The following DENND4A variants were observed in gnomAD, a reference collection of about 807,000 sequenced individuals.
DENND4A encodes C-myc promoter-binding protein.
In DENND4A, 70 loss-of-function variants were observed where a neutral mutation model predicts 199.3. The ratio of observed to expected loss-of-function variants is 0.35; its 90% CI spans 0.29 to 0.43. The LOEUF (loss-of-function observed/expected upper bound fraction) is 0.43, where lower values mean the gene tolerates loss of function less well. Among genes scored for constraint, DENND4A ranks in the 20% least tolerant of loss-of-function variants. The pLI is 1.00. For missense variants in DENND4A, 1,723 were observed against 2,255.8 expected (o/e 0.76, Z 4.78); for synonymous variants, 686 against 766.9 (o/e 0.89, Z 1.74).
intron 24 of DENND4A, among the ~76,000 whole-genome samples, chr15:65,676,141 A>AAAAAATATATATAT (rs1362535499): frequency 9.1e-6 from 1 of 110,452 alleles, no homozygotes; most frequent in African/African-American, 3.0e-5. Flanking sequence ...AATAAGGAAA[A>AAAAAATATATATAT]ATATATATAT....
At chr15:65,744,829 C>T (rs547075764) in intron 4 of DENND4A, among the ~76,000 whole-genome samples, 2 of 152,222 alleles carry the variant, frequency 1.3e-5, no homozygotes, top group African/African-American at 2.4e-5. Context: ...GTACTTGAGT[C>T]ATTTCTGAAT....
chr15:65,746,605 C>T (rs1305321342), intron 4 of DENND4A, among the ~76,000 whole-genome samples: 4 of 151,188 alleles, frequency 2.6e-5, no homozygotes, highest in East Asian at 3.9e-4. Flanking sequence ...AGGCTGGTCA[C>T]GAACTCCTGA....
chr15:65,678,349 T>C (rs1179970301), intron 23 of DENND4A, among the ~76,000 whole-genome samples: 1 of 152,230 alleles, frequency 6.6e-6, no homozygotes, highest in Non-Finnish European at 1.5e-5. Flanking sequence ...CTTTTTTTTC[T>C]TGTATTTTAA....
intron 12 of DENND4A, among the ~76,000 whole-genome samples, chr15:65,718,831 G>A (rs2075508735): frequency 7.7e-6 from 1 of 129,672 alleles, no homozygotes; most frequent in Admixed American, 9.3e-5. Context: ...CCAGGCTGGA[G>A]TACAGTGGCA....
At chr15:65,746,767 T>TA (rs1414072685) in intron 4 of DENND4A, among the ~76,000 whole-genome samples, 4 of 151,510 alleles carry the variant, frequency 2.6e-5, no homozygotes, top group Admixed American at 1.3e-4. Context: ...AAAGAGTATT[T>TA]AAAAAATACC....
intron 21 of DENND4A, chr15:65,696,766 G>T: frequency 3.8e-6 from 1 of 263,004 alleles, no homozygotes; most frequent in Non-Finnish European, 7.4e-6. Context: ...AGTGCTTTTG[G>T]TGGAGTGGGG....
chr15:65,696,035 T>C (rs969046013), intron 22 of DENND4A, among the ~76,000 whole-genome samples: 3 of 152,288 alleles, frequency 2.0e-5, no homozygotes, highest in African/African-American at 7.2e-5. Context: ...ATAAGCCATA[T>C]ACTTCATTTG....
intron 7 of DENND4A, among the ~76,000 whole-genome samples, chr15:65,735,950 G>C (rs1157958592): frequency 3.9e-5 from 6 of 152,114 alleles, no homozygotes; most frequent in South Asian, 4.1e-4. Context: ...AATTAGACAA[G>C]CATGGTGGCA....
intron 32 of DENND4A, 114 bp from the exon 33 acceptor site, chr15:65,662,101 C>CT: frequency 1.2e-6 from 1 of 835,268 alleles, no homozygotes; most frequent in East Asian, 2.7e-5. Flanking sequence ...GAAGGAATTG[C>CT]TAGGACATTT....
At chr15:65,718,929 A>G (rs192264589) in intron 12 of DENND4A, among the ~76,000 whole-genome samples, 36 of 151,236 alleles carry the variant, frequency 2.4e-4, no homozygotes, top group African/African-American at 8.5e-4. Flanking sequence ...ACAGGTGCCC[A>G]TCACCACGCC....
At chr15:65,771,162 A>C (rs1231471812) in intron 1 of DENND4A, 3 of 1,575,994 alleles carry the variant, frequency 1.9e-6, no homozygotes, top group Non-Finnish European at 1.7e-6. Context: ...GTATAAATAA[A>C]AATTCCAGTT....
Position 65,719,077 on chromosome 15 carries a change from G to A in DENND4A, c.1589-1081C>T, listed in dbSNP as rs1342121145. On this transcript the variant is annotated intron_variant, in intron 12 of 32. Transcript: ENST00000443035. Reference sequence around the variant, plus strand: ...TTATAGGCATGAGGCACCATGCCCAGCCACTTTGCATGTTATGTGCACATA... The same window carrying A: ...TTATAGGCATGAGGCACCATGCCCAACCACTTTGCATGTTATGTGCACATA... Among the ~76,000 whole-genome samples, 6 of 150,134 alleles carry A rather than the reference G, an allele frequency of 4.0e-5. No homozygotes were observed. In the East Asian group the frequency reaches 1.2e-3, roughly 30 times the overall value.
chr15:65,719,718 A>G (rs2075546915), intron 12 of DENND4A, among the ~76,000 whole-genome samples: 1 of 132,960 alleles, frequency 7.5e-6, no homozygotes. Flanking sequence ...GTGAGATCCC[A>G]TCTCTACAGA....
intron 15 of DENND4A, among the ~76,000 whole-genome samples, chr15:65,703,264 G>C (rs1596475499): frequency 6.6e-6 from 1 of 152,284 alleles, no homozygotes; most frequent in Admixed American, 6.5e-5. Context: ...AAATGAACAT[G>C]ACATCCAACT....
intron 3 of DENND4A, 130 bp from the exon 4 acceptor site, chr15:65,752,758 A>G (rs2076601544): frequency 1.6e-6 from 1 of 636,714 alleles, no homozygotes. Flanking sequence ...TGCAATTTTA[A>G]AATGCACGGT....
At chr15:65,667,814 A>G in intron 28 of DENND4A, 111 bp from the exon 29 acceptor site, 9 of 1,485,422 alleles carry the variant, frequency 6.1e-6, no homozygotes, top group Non-Finnish European at 8.2e-6. Context: ...ATCATGGGAT[A>G]AGAGACTCTT....
chr15:65,785,487 C>A (rs1225907958), intron 1 of DENND4A, among the ~76,000 whole-genome samples: 4 of 133,654 alleles, frequency 3.0e-5, no homozygotes, highest in African/African-American at 1.1e-4. Context: ...AACATCCTGT[C>A]TCTAAAAAAA....
intron 22 of DENND4A, among the ~76,000 whole-genome samples, chr15:65,692,534 G>A (rs777842072): frequency 3.9e-4 from 59 of 152,138 alleles, no homozygotes; most frequent in Non-Finnish European, 6.8e-4. Context: ...GCCTTTTCTT[G>A]TCATGTGATG....
intron 1 of DENND4A, among the ~76,000 whole-genome samples, chr15:65,770,674 G>C (rs1465618409): frequency 1.3e-5 from 2 of 152,014 alleles, no homozygotes; most frequent in African/African-American, 4.8e-5. Context: ...TTTTGAAAAA[G>C]TTTCATTGTT....
Sources: gnomAD v4.1 joint callset for allele counts (sites outside exome capture counted in the v4.1 genomes callset) on GRCh38, gnomAD v4.1.1 for gene constraint, MANE v1.5 for transcripts, NCBI Gene and HGNC (gene_info 2026-07-23, HGNC 2026-07-21) for gene names.